Variants in LAMA2 observed in about 807,000 individuals in gnomAD.
The protein encoded by LAMA2 is laminin subunit alpha-2.
In LAMA2, 269 loss-of-function variants were observed where a neutral mutation model predicts 364.8. That is an observed-to-expected ratio of 0.74 (90% confidence interval 0.67 to 0.82). LAMA2 has a LOEUF of 0.82. Ranked by LOEUF, LAMA2 falls within the 40% of genes least tolerant of loss-of-function variation. The pLI, the probability that LAMA2 is intolerant of heterozygous loss-of-function variation, is 0.00. For synonymous variants in LAMA2, 1,379 were observed against 1,370.6 expected (o/e 1.01, Z -0.14); for missense variants, 3,807 against 3,873.2 (o/e 0.98, Z 0.45).
intron 16 of LAMA2, among the ~76,000 whole-genome samples, chr6:129,268,070 T>G (rs1162499807): frequency 6.6e-6 from 1 of 152,144 alleles, no homozygotes; most frequent in Non-Finnish European, 1.5e-5. Flanking sequence ...ATCTTTCTCT[T>G]GCTCATTTTC....
intron 1 of LAMA2, among the ~76,000 whole-genome samples, chr6:128,907,039 A>C (rs1391525501): frequency 4.1e-4 from 59 of 145,528 alleles, no homozygotes; most frequent in Non-Finnish European, 5.6e-4. Context: ...GTTACTGTAG[A>C]CTTGTAGTAT....
intron 22 of LAMA2, among the ~76,000 whole-genome samples, chr6:129,304,225 CTTTGAG>C (rs1179867966): frequency 1.3e-5 from 2 of 152,006 alleles, no homozygotes; most frequent in Admixed American, 6.6e-5. Context: ...CTTTTGCTTA[CTTTGAG>C]TTTAATTTTC....
intron 3 of LAMA2, among the ~76,000 whole-genome samples, chr6:129,088,538 C>G: frequency 6.6e-6 from 1 of 151,244 alleles, no homozygotes; most frequent in Middle Eastern, 3.5e-3. Context: ...CCCCCTACCT[C>G]CCTCCTGGAC....
At chr6:129,074,403 A>T (rs544392042) in intron 3 of LAMA2, among the ~76,000 whole-genome samples, 1 of 152,260 alleles carries the variant, frequency 6.6e-6, no homozygotes, top group Non-Finnish European at 1.5e-5. Flanking sequence ...ATCCTGTGAG[A>T]TTGCTGAACA....
intron 1 of LAMA2, among the ~76,000 whole-genome samples, chr6:128,931,786 C>T (rs993157001): frequency 7.9e-5 from 12 of 152,108 alleles, no homozygotes; most frequent in Non-Finnish European, 1.8e-4. Context: ...TCAGTTTTGA[C>T]TTCAGTTTTT....
chr6:129,129,020 G>A (rs2114932184), intron 4 of LAMA2, among the ~76,000 whole-genome samples: 1 of 152,338 alleles, frequency 6.6e-6, no homozygotes, highest in East Asian at 1.9e-4. Flanking sequence ...TACTGAAGCT[G>A]AAAGGAGCCC....
chr6:128,894,482 A>G (rs1001926397), intron 1 of LAMA2, among the ~76,000 whole-genome samples: 1 of 152,172 alleles, frequency 6.6e-6, no homozygotes, highest in Admixed American at 6.5e-5. Flanking sequence ...ATTCATTCTT[A>G]AGAAAATGTT....
At chr6:129,104,641 C>T (rs1775718510) in intron 4 of LAMA2, among the ~76,000 whole-genome samples, 1 of 152,178 alleles carries the variant, frequency 6.6e-6, no homozygotes, top group African/African-American at 2.4e-5. Context: ...CATATCATCA[C>T]TGGAGAGGTC....
At chr6:129,017,621 A>G (rs542677619) in intron 1 of LAMA2, among the ~76,000 whole-genome samples, 2 of 152,194 alleles carry the variant, frequency 1.3e-5, no homozygotes, top group East Asian at 3.9e-4. Flanking sequence ...TCACAGTGAT[A>G]CTAATTACTG....
rs555784934 is a variant in LAMA2, at chr6:129,053,463, T to C, written c.283+3375T>C. 9.4e-4 allele frequency among the ~76,000 whole-genome samples: 143 copies of C among 152,056 alleles called. 1 individual carries two copies. The highest frequency in any genetic ancestry group is 3.5e-4 in the Non-Finnish European group (24 of 67,990). ...TGTGTTTGCTAGCTCTTGTATAGAA[T>C]GTAAGAGGAAAGGACATATGTCAGA... On this transcript the variant is annotated intron_variant, in intron 2 of 64. Transcript: ENST00000421865.
chr6:129,284,297 C>T (rs1180386900), intron 18 of LAMA2, among the ~76,000 whole-genome samples: 1 of 152,116 alleles, frequency 6.6e-6, no homozygotes, highest in East Asian at 1.9e-4. Flanking sequence ...CCGAGACTAA[C>T]TAATCCCTGT....
At chr6:129,171,670 G>C (rs1346486323) in intron 9 of LAMA2, among the ~76,000 whole-genome samples, 1 of 139,860 alleles carries the variant, frequency 7.2e-6, no homozygotes. Flanking sequence ...TGCTCTTCTC[G>C]AGGAGTATCT....
chr6:129,400,894 A>G (rs925717367), intron 37 of LAMA2, among the ~76,000 whole-genome samples: 8 of 152,258 alleles, frequency 5.3e-5, no homozygotes, highest in Non-Finnish European at 1.0e-4. Flanking sequence ...TAGTACCAAT[A>G]TAACTATTCA....
At chr6:129,306,313 C>CTTTTTTTTTTTTTTTTTTTTTTTT (rs11315443) in intron 22 of LAMA2, among the ~76,000 whole-genome samples, 1 of 70,416 alleles carries the variant, frequency 1.4e-5, no homozygotes, top group East Asian at 3.9e-4. Flanking sequence ...TAATTTTTTC[C>CTTTTTTTTTTTTTTTTTTTTTTTT]TTTTTTTTTT....
At chr6:129,159,963 A>G (rs576203475) in intron 8 of LAMA2, among the ~76,000 whole-genome samples, 1 of 152,328 alleles carries the variant, frequency 6.6e-6, no homozygotes, top group South Asian at 2.1e-4. Flanking sequence ...CCATTTGGTT[A>G]TGATATATTA....
At chr6:129,207,946 A>G (rs66500429) in intron 12 of LAMA2, among the ~76,000 whole-genome samples, 15,938 of 152,210 alleles carry the variant, frequency 0.1, 1,862 homozygotes, top group African/African-American at 0.29. Flanking sequence ...GCAAATCTTG[A>G]GTGAGAGGGA....
At chr6:129,053,860 G>T (rs143460139) in intron 2 of LAMA2, among the ~76,000 whole-genome samples, 1 of 152,280 alleles carries the variant, frequency 6.6e-6, no homozygotes, top group East Asian at 1.9e-4. Flanking sequence ...GGACAGAGGA[G>T]GTTGTGGAGT....
intron 20 of LAMA2, among the ~76,000 whole-genome samples, chr6:129,295,420 C>T (rs1004924593): frequency 6.6e-6 from 1 of 152,090 alleles, no homozygotes; most frequent in Non-Finnish European, 1.5e-5. Context: ...ATTTATTTTA[C>T]CTCATTAATC....
At chr6:128,944,220 A>T (rs1780354794) in intron 1 of LAMA2, among the ~76,000 whole-genome samples, 2 of 152,208 alleles carry the variant, frequency 1.3e-5, no homozygotes, top group Non-Finnish European at 2.9e-5. Context: ...CTGACAATGC[A>T]CAGTTAAGGT....
Sources: allele counts gnomAD v4.1 joint callset (sites outside exome capture counted in the v4.1 genomes callset), GRCh38; gene constraint gnomAD v4.1.1; transcripts MANE v1.5; gene names NCBI Gene and HGNC (gene_info 2026-07-23, HGNC 2026-07-21).